TUBGCP3: variants seen among roughly 807,000 people sequenced by gnomAD.
The protein encoded by TUBGCP3 is tubulin gamma complex component 3, also known as gamma-tubulin complex component 3.
TUBGCP3 carries 50 observed loss-of-function variants against 123.1 expected under a neutral mutation model. That is an observed-to-expected ratio of 0.41 (90% CI 0.32 to 0.51). TUBGCP3 has a LOEUF of 0.51. TUBGCP3 is among the 20% of genes least tolerant of loss of function. The pLI, the probability that TUBGCP3 is intolerant of heterozygous loss-of-function variation, is 0.36. For synonymous variants in TUBGCP3, 405 were observed against 413.9 expected (o/e 0.98, Z 0.26); for missense variants, 882 against 1,127.0 (o/e 0.78, Z 3.11).
At chr13:112,525,625 T>A (rs928052963) in intron 13 of TUBGCP3, among the ~76,000 whole-genome samples, 4 of 152,126 alleles carry the variant, frequency 2.6e-5, no homozygotes, top group Admixed American at 2.6e-4. Flanking sequence ...ATCATGAAAT[T>A]ACTGAGGGTG....
At chr13:112,526,288 C>T (rs1483344860) in intron 13 of TUBGCP3, among the ~76,000 whole-genome samples, 1 of 151,082 alleles carries the variant, frequency 6.6e-6, no homozygotes, top group African/African-American at 2.4e-5. Flanking sequence ...TCACCATCAA[C>T]ATCATCAACA....
At chr13:112,505,661 T>G (rs1423597232) in intron 17 of TUBGCP3, among the ~76,000 whole-genome samples, 1 of 152,250 alleles carries the variant, frequency 6.6e-6, no homozygotes, top group African/African-American at 2.4e-5. Flanking sequence ...ACATGACAGC[T>G]TCGTCAGTAA....
At chr13:112,514,016 C>A (rs560210815) in intron 17 of TUBGCP3, among the ~76,000 whole-genome samples, 1 of 152,126 alleles carries the variant, frequency 6.6e-6, no homozygotes, top group Non-Finnish European at 1.5e-5. Flanking sequence ...TCCAACCCCC[C>A]GGTTAGTCAC....
intron 1 of TUBGCP3, among the ~76,000 whole-genome samples, chr13:112,574,333 C>A (rs1011785595): frequency 1.0e-4 from 15 of 147,694 alleles, no homozygotes; most frequent in Non-Finnish European, 1.2e-4. Context: ...GTGGCTTCCC[C>A]CTGCCCAATC....
At chr13:112,542,992 C>CA (rs1878652056) in intron 11 of TUBGCP3, among the ~76,000 whole-genome samples, 1 of 152,014 alleles carries the variant, frequency 6.6e-6, no homozygotes, top group Non-Finnish European at 1.5e-5. Flanking sequence ...TACTAAAATA[C>CA]AAAAAAACTT....
chr13:112,527,433 T>C lies in TUBGCP3; in HGVS notation c.1387A>G (p.Lys463Glu). The C allele has an allele frequency of 6.2e-7, 1 of 1,609,552 alleles. No homozygotes were observed. Among genetic ancestry groups the C allele is most frequent in the Non-Finnish European group, 8.5e-7 (1 of 1,178,866 alleles). ...TVKTDRLWHD[K>E]YTLRKSMIPS... ...ATCATCGATTTCCTCAAAGTATACT[T>C]GTCGTGCCACAGTCGATCTGTTTTA... Residue 463 changes from lysine (K) to glutamate (E), a missense_variant, in exon 12 of 22, where the codon AAG becomes GAG. Lys to Glu is a moderately conservative substitution (Grantham distance 56, BLOSUM62 1). Transcript: ENST00000261965.
rs1036033767 is a variant in TUBGCP3, at chr13:112,511,433, T to A, written c.2086+5007A>T. Among the ~76,000 whole-genome samples the A allele has an allele frequency of 6.6e-6, 1 of 152,188 alleles. No individual in the cohort carries two copies. Among genetic ancestry groups the A allele is most frequent in the South Asian group, 2.1e-4 (1 of 4,826 alleles). On this transcript the variant is annotated intron_variant, in intron 17 of 21. Coordinates refer to ENST00000261965, the MANE Select transcript of TUBGCP3 (RefSeq NM_006322.6). This position sits in a 1 kb window ranked among gnomAD's most constrained non-coding sequence, Gnocchi z 4.1. ...AACACAGCAACTTTTCATTTCAAAA[T>A]AGAGCCAGGGTGGATCCAGGGTGTA...
chr13:112,594,806 A>T, the TUBGCP3 span, among the ~76,000 whole-genome samples: 1 of 152,036 alleles, frequency 6.6e-6, no homozygotes, highest in East Asian at 1.9e-4. Context: ...ATTTCTCTTG[A>T]TCCTTATTCT....
intron 1 of TUBGCP3, among the ~76,000 whole-genome samples, chr13:112,577,907 A>G (rs987504395): frequency 3.0e-4 from 46 of 152,170 alleles, no homozygotes; most frequent in African/African-American, 1.0e-3. Flanking sequence ...GTGAGGGGGG[A>G]AAAAGCTTTC....
At chr13:112,491,077 C>T (rs1880065308) in intron 20 of TUBGCP3, among the ~76,000 whole-genome samples, 1 of 152,198 alleles carries the variant, frequency 6.6e-6, no homozygotes, top group Non-Finnish European at 1.5e-5. Flanking sequence ...GCTTAATTTC[C>T]CTCCACTCCT....
intron 21 of TUBGCP3, among the ~76,000 whole-genome samples, chr13:112,488,901 C>T (rs549909946): frequency 6.9e-6 from 1 of 144,208 alleles, no homozygotes; most frequent in East Asian, 2.1e-4. Flanking sequence ...GGGGCCACCC[C>T]CAGGTCCCCA....
chr13:112,575,789 T>C (rs1881760946), intron 1 of TUBGCP3, among the ~76,000 whole-genome samples: 1 of 152,224 alleles, frequency 6.6e-6, no homozygotes, highest in South Asian at 2.1e-4. Flanking sequence ...CTTAACAGAA[T>C]GGTATCTGAA....
At chr13:112,590,359 G>A (rs1245639031), upstream of TUBGCP3, among the ~76,000 whole-genome samples, 1 of 152,156 alleles carries the variant, frequency 6.6e-6, no homozygotes, top group African/African-American at 2.4e-5. Context: ...GAACAATGTT[G>A]TCGGAAACCT....
At chr13:112,498,601 T>G (rs899072065) in intron 20 of TUBGCP3, among the ~76,000 whole-genome samples, 1 of 152,226 alleles carries the variant, frequency 6.6e-6, no homozygotes, top group African/African-American at 2.4e-5. Flanking sequence ...TAAATGCACT[T>G]TCAGTGTAGA....
intron 13 of TUBGCP3, 76 bp from the exon 14 acceptor site, chr13:112,522,585 CA>C (rs2139071221): frequency 1.4e-6 from 2 of 1,451,926 alleles, no homozygotes; most frequent in East Asian, 4.6e-5. Flanking sequence ...AAGGCACATA[CA>C]TCCAGACTCA....
intron 3 of TUBGCP3, among the ~76,000 whole-genome samples, chr13:112,562,052 C>A (rs1301905858): frequency 6.6e-6 from 1 of 152,024 alleles, no homozygotes; most frequent in Admixed American, 6.6e-5. Context: ...GAAACACCAC[C>A]AGCAACACTA....
At chr13:112,548,981 G>C (rs570712031) in intron 8 of TUBGCP3, among the ~76,000 whole-genome samples, 51 of 152,290 alleles carry the variant, frequency 3.3e-4, no homozygotes, top group Admixed American at 9.8e-4. Flanking sequence ...CATCCCATTA[G>C]TGGGTATATA....
chr13:112,541,739 T>C (rs910383247), intron 11 of TUBGCP3, among the ~76,000 whole-genome samples: 1 of 152,156 alleles, frequency 6.6e-6, no homozygotes, highest in Admixed American at 6.6e-5. Context: ...TTCTAATTAT[T>C]AGCAATATAT....
At chr13:112,575,105 G>C (rs531978113) in intron 1 of TUBGCP3, among the ~76,000 whole-genome samples, 1 of 152,342 alleles carries the variant, frequency 6.6e-6, no homozygotes, top group African/African-American at 2.4e-5. Context: ...TGGGGGTTCG[G>C]ATTTTAGCCA....
Sources: gnomAD v4.1 joint callset for allele counts (sites outside exome capture counted in the v4.1 genomes callset) on GRCh38, gnomAD v4.1.1 for gene constraint, Gnocchi (gnomAD v3.1) non-coding constraint, MANE v1.5 for transcripts, NCBI Gene and HGNC (gene_info 2026-07-23, HGNC 2026-07-21) for gene names.